Variants in RGPD2 observed in about 807,000 individuals in gnomAD.
The protein encoded by RGPD2 is RANBP2 like and GRIP domain containing 2, also known as RANBP2-like and GRIP domain-containing protein 2.
RGPD2 carries 2 observed loss-of-function variants against 36.0 expected under a neutral mutation model. The ratio of observed to expected loss-of-function variants is 0.06; its 90% CI spans 0.02 to 0.17. The LOEUF is 0.17. RGPD2 is among the 10% of genes least tolerant of loss of function. The pLI, the probability that RGPD2 is intolerant of heterozygous loss-of-function variation, is 1.00. For synonymous variants in RGPD2, 19 were observed against 163.8 expected, an observed-to-expected ratio of 0.12 and a Z score of 6.75; for missense variants, 40 against 464.3, an observed-to-expected ratio of 0.09 and a Z score of 8.40.
chr2:87,989,184 A>G, the RGPD2 span: 1 of 451,748 alleles, frequency 2.2e-6, no homozygotes, highest in African/African-American at 2.1e-5. Context: ...ATGGAAACAA[A>G]TGAGAAAGTA....
chr2:87,933,853 G>GC, the RGPD2 span, among the ~76,000 whole-genome samples: 1 of 127,160 alleles, frequency 7.9e-6, no homozygotes, highest in Non-Finnish European at 1.7e-5. Flanking sequence ...TGTCTTCCTT[G>GC]CATTGGGTTA....
the RGPD2 span, among the ~76,000 whole-genome samples, chr2:87,887,166 T>C: frequency 6.6e-6 from 1 of 151,932 alleles, no homozygotes; most frequent in Non-Finnish European, 1.5e-5. Flanking sequence ...GACTGTGTGC[T>C]TTGCTTAGGC....
chr2:87,813,184 C>T (rs1169726897), intron 4 of RGPD2, among the ~76,000 whole-genome samples: 1 of 152,218 alleles, frequency 6.6e-6, no homozygotes, highest in Non-Finnish European at 1.5e-5. Flanking sequence ...GCTATAATCC[C>T]TTATATCCAT....
At chr2:87,878,453 C>A in the RGPD2 span, among the ~76,000 whole-genome samples, 7,735 of 132,714 alleles carry the variant, frequency 0.058, no homozygotes, top group African/African-American at 0.17. Flanking sequence ...TTTTTAGCTT[C>A]TTTGCATTGG....
chr2:87,965,548 A>T, the RGPD2 span, among the ~76,000 whole-genome samples: 4 of 152,368 alleles, frequency 2.6e-5, no homozygotes, highest in South Asian at 4.1e-4. Context: ...TTCCTTTCTT[A>T]CTTACTTTTG....
At chr2:87,883,556 T>C in the RGPD2 span, among the ~76,000 whole-genome samples, 2 of 151,962 alleles carry the variant, frequency 1.3e-5, no homozygotes, top group Middle Eastern at 3.4e-3. Flanking sequence ...CCCAGTTATA[T>C]GCTGCCTACA....
chr2:87,921,791 A>G, the RGPD2 span, among the ~76,000 whole-genome samples: 1 of 152,152 alleles, frequency 6.6e-6, no homozygotes, highest in Non-Finnish European at 1.5e-5. Flanking sequence ...GGACACAATG[A>G]CAGGGGAGAA....
chr2:87,964,881 T>C, the RGPD2 span, among the ~76,000 whole-genome samples: 2 of 137,596 alleles, frequency 1.5e-5, no homozygotes, highest in Non-Finnish European at 3.2e-5. Flanking sequence ...GGTAACTTGA[T>C]TGAGTCTAGG....
chr2:87,768,958 ATT>A (rs1206545550), intron 22 of RGPD2, among the ~76,000 whole-genome samples: 1 of 1,768 alleles, frequency 5.7e-4, no homozygotes, highest in Non-Finnish European at 1.2e-3. Context: ...TGTAGTTTAC[ATT>A]TTTTTTTTTT....
At chr2:87,989,570 A>AG in the RGPD2 span, 10 of 415,860 alleles carry the variant, frequency 2.4e-5, no homozygotes, top group Non-Finnish European at 4.2e-5. Flanking sequence ...GTGCCAAAAA[A>AG]TGACACAATA....
the RGPD2 span, among the ~76,000 whole-genome samples, chr2:87,940,182 T>C: frequency 3.1e-4 from 47 of 152,016 alleles, no homozygotes; most frequent in African/African-American, 1.1e-3. Flanking sequence ...ATAATTTCTC[T>C]CTGAACCAAA....
chr2:87,772,891 A>G (rs1225754812), intron 21 of RGPD2, among the ~76,000 whole-genome samples: 5 of 148,518 alleles, frequency 3.4e-5, no homozygotes, highest in African/African-American at 1.2e-4. Context: ...AGCACAGGGT[A>G]TCATGGAAAT....
At chr2:87,957,710 C>G in the RGPD2 span, among the ~76,000 whole-genome samples, 3 of 152,256 alleles carry the variant, frequency 2.0e-5, no homozygotes, top group Non-Finnish European at 4.4e-5. Context: ...CAACCATTGT[C>G]TATAGCACCA....
the RGPD2 span, among the ~76,000 whole-genome samples, chr2:87,973,796 TTCC>T: frequency 6.6e-6 from 1 of 150,492 alleles, no homozygotes; most frequent in East Asian, 2.0e-4. Flanking sequence ...TGTTGTCTGT[TTCC>T]TCATCTGTAG....
the RGPD2 span, among the ~76,000 whole-genome samples, chr2:87,958,003 T>G: frequency 1.3e-5 from 2 of 152,248 alleles, no homozygotes; most frequent in Non-Finnish European, 2.9e-5. Context: ...ATATTAAAGA[T>G]GTAGCTAATT....
upstream of RGPD2, among the ~76,000 whole-genome samples, chr2:87,829,631 A>G (rs1686922284): frequency 6.6e-6 from 1 of 151,848 alleles, no homozygotes; most frequent in Admixed American, 6.6e-5. Flanking sequence ...TGTGCAGAGG[A>G]ACGGCCCTTT....
chr2:87,841,642 C>CTGG, the RGPD2 span, among the ~76,000 whole-genome samples: 2 of 151,412 alleles, frequency 1.3e-5, no homozygotes. Flanking sequence ...CAAGAAGGAA[C>CTGG]TGGTACCATT....
At chr2:87,975,635 C>T in the RGPD2 span, among the ~76,000 whole-genome samples, 8 of 152,008 alleles carry the variant, frequency 5.3e-5, no homozygotes, top group African/African-American at 9.6e-5. Context: ...ACACTCTCCA[C>T]ATACTAACAC....
At chr2:87,921,017 T>G in the RGPD2 span, among the ~76,000 whole-genome samples, 4 of 149,676 alleles carry the variant, frequency 2.7e-5, 1 homozygote, top group Admixed American at 1.3e-4. Context: ...ATGTAGAAAG[T>G]CAAACCCACG....
Sources: allele counts gnomAD v4.1 joint callset (sites outside exome capture counted in the v4.1 genomes callset), GRCh38; gene constraint gnomAD v4.1.1; transcripts MANE v1.5; gene names NCBI Gene and HGNC (gene_info 2026-07-23, HGNC 2026-07-21).